Variants in FARS2 observed in about 807,000 individuals in gnomAD.
FARS2 encodes the protein phenylalanyl-tRNA synthetase 2, mitochondrial.
In FARS2, 40 loss-of-function variants were observed where a neutral mutation model predicts 46.4. The ratio of observed to expected loss-of-function variants is 0.86; its 90% CI spans 0.67 to 1.12. The LOEUF (loss-of-function observed/expected upper bound fraction) is 1.12, where lower values mean the gene tolerates loss of function less well. Among genes scored for constraint, FARS2 ranks in the 50% most tolerant of loss-of-function variants. The probability of loss-of-function intolerance (pLI) is 0.00; values close to 1 mark genes in which losing one functional copy is unlikely to be tolerated. For missense variants in FARS2, 513 were observed against 567.9 expected, an observed-to-expected ratio of 0.90 and a Z score of 0.98; for synonymous variants, 234 against 214.9, an observed-to-expected ratio of 1.09 and a Z score of -0.78.
At position 5,279,385 on chromosome 6, in the gene FARS2, AAAG is replaced by A. The variant is rs1370429016; in HGVS notation, c.-22+17728_-22+17730del. On this transcript the variant is annotated intron_variant, in intron 1 of 6. Transcript: ENST00000274680. Reference sequence around the variant, plus strand: ...GCAAGACTCCCTCTCAAAAAAAAAAAAAGAAAAAGAAAAAGAAAAAAAGAAAGC... The same window carrying A: ...GCAAGACTCCCTCTCAAAAAAAAAAAAAAAAGAAAAAGAAAAAAAGAAAGC... Among the ~76,000 whole-genome samples, 53 of 137,884 alleles carry A rather than the reference AAAG, an allele frequency of 3.8e-4. 6 individuals are homozygous for A. The highest frequency in any genetic ancestry group is 1.2e-3 in the East Asian group (6 of 4,860). 90.5% of individuals were successfully genotyped at this position (137,884 alleles called of 152,430 possible).
At chr6:5,331,136 A>G (rs894608134) in intron 1 of FARS2, among the ~76,000 whole-genome samples, 1 of 148,366 alleles carries the variant, frequency 6.7e-6, no homozygotes, top group Admixed American at 6.7e-5. Flanking sequence ...TGATGGTCTT[A>G]TTCTACATAT....
chr6:5,434,598 G>C (rs1763413030), intron 4 of FARS2, among the ~76,000 whole-genome samples: 1 of 152,128 alleles, frequency 6.6e-6, no homozygotes, highest in South Asian at 2.1e-4. Context: ...TAAACTGCCT[G>C]GCAGTCACTA....
At chr6:5,253,414 T>C in the FARS2 span, among the ~76,000 whole-genome samples, 2 of 151,440 alleles carry the variant, frequency 1.3e-5, no homozygotes, top group East Asian at 1.9e-4. Flanking sequence ...ATCATTTTAA[T>C]GGGCAATTCT....
At chr6:5,515,490 G>A (rs558513870) in intron 4 of FARS2, among the ~76,000 whole-genome samples, 63 of 152,276 alleles carry the variant, frequency 4.1e-4, no homozygotes, top group African/African-American at 1.4e-3. Context: ...GTGCAGTGAT[G>A]TGATCTCAGC....
chr6:5,621,368 GGT>G, intron 6 of FARS2, among the ~76,000 whole-genome samples: 1 of 152,158 alleles, frequency 6.6e-6, no homozygotes, highest in East Asian at 1.9e-4. Flanking sequence ...TGGGATTACA[GGT>G]GTGAACCACT....
chr6:5,302,433 G>A (rs1220735987), intron 1 of FARS2, among the ~76,000 whole-genome samples: 1 of 152,090 alleles, frequency 6.6e-6, no homozygotes, highest in African/African-American at 2.4e-5. Context: ...GGATGACATG[G>A]GATGACATAG....
intron 6 of FARS2, among the ~76,000 whole-genome samples, chr6:5,740,004 T>A (rs1761231340): frequency 6.6e-6 from 1 of 152,138 alleles, no homozygotes; most frequent in Non-Finnish European, 1.5e-5. Flanking sequence ...AATTAACACA[T>A]CAAGGTCATA....
the FARS2 span, among the ~76,000 whole-genome samples, chr6:5,255,379 G>T: frequency 6.6e-6 from 1 of 152,182 alleles, no homozygotes; most frequent in African/African-American, 2.4e-5. Flanking sequence ...ACATGAAAGA[G>T]ACTTGCACTA....
intron 6 of FARS2, among the ~76,000 whole-genome samples, chr6:5,735,051 T>C (rs1760866027): frequency 6.6e-6 from 1 of 152,224 alleles, no homozygotes; most frequent in South Asian, 2.1e-4. Flanking sequence ...ATTTTGTGGA[T>C]TATATTAAAA....
At chr6:5,654,448 C>G (rs1338284181) in intron 6 of FARS2, among the ~76,000 whole-genome samples, 1 of 152,218 alleles carries the variant, frequency 6.6e-6, no homozygotes, top group African/African-American at 2.4e-5. Flanking sequence ...CAGCCTGATA[C>G]ATCCTTTGTG....
intron 1 of FARS2, among the ~76,000 whole-genome samples, chr6:5,332,885 G>T (rs537958740): frequency 1.3e-5 from 2 of 152,194 alleles, no homozygotes; most frequent in Non-Finnish European, 2.9e-5. Context: ...CAGTATTAAG[G>T]AGTAGAGAAG....
chr6:5,359,953 TTATTCACTTCTTCAAG>T (rs1425479714), intron 1 of FARS2, among the ~76,000 whole-genome samples: 1 of 152,166 alleles, frequency 6.6e-6, no homozygotes, highest in African/African-American at 2.4e-5. Context: ...AGAAAAGAGG[TTATTCACTTCTTCAAG>T]GCTGTTAAAG....
At chr6:5,439,509 C>T (rs1337335221) in intron 4 of FARS2, among the ~76,000 whole-genome samples, 6 of 152,142 alleles carry the variant, frequency 3.9e-5, no homozygotes, top group Non-Finnish European at 5.9e-5. Context: ...GTTGACTCTC[C>T]TGTATAATTT....
At chr6:5,289,429 T>G (rs377463429) in intron 1 of FARS2, among the ~76,000 whole-genome samples, 1 of 152,216 alleles carries the variant, frequency 6.6e-6, no homozygotes, top group Non-Finnish European at 1.5e-5. Context: ...GAAAGGGGCA[T>G]GAGCAAGTGG....
At chr6:5,612,822 G>A (rs1256824634) in intron 5 of FARS2, among the ~76,000 whole-genome samples, 1 of 152,088 alleles carries the variant, frequency 6.6e-6, no homozygotes, top group Non-Finnish European at 1.5e-5. Context: ...TTAATGAATT[G>A]CATGTTAATT....
At chr6:5,676,762 A>G (rs1201311779) in intron 6 of FARS2, among the ~76,000 whole-genome samples, 2 of 152,224 alleles carry the variant, frequency 1.3e-5, no homozygotes, top group Non-Finnish European at 2.9e-5. Flanking sequence ...GTTAGAGAAA[A>G]TCTTGGTAGT....
chr6:5,749,096 C>T (rs1761799047), intron 6 of FARS2, among the ~76,000 whole-genome samples: 1 of 152,248 alleles, frequency 6.6e-6, no homozygotes, highest in East Asian at 1.9e-4. Flanking sequence ...AGAAGATGAG[C>T]TGGTCCAAAA....
chr6:5,303,835 C>T (rs540111455), intron 1 of FARS2, among the ~76,000 whole-genome samples: 10 of 152,130 alleles, frequency 6.6e-5, no homozygotes, highest in South Asian at 4.2e-4. Context: ...TTCTCTGCCT[C>T]GGGATGCTCG....
At chr6:5,547,200 T>C (rs1490364348) in intron 5 of FARS2, among the ~76,000 whole-genome samples, 28 of 151,858 alleles carry the variant, frequency 1.8e-4, no homozygotes, top group Non-Finnish European at 2.8e-4. Flanking sequence ...GATCTGCCCA[T>C]CTTGGCCTCC....
Sources: gnomAD v4.1 joint callset for allele counts (sites outside exome capture counted in the v4.1 genomes callset) on GRCh38, gnomAD v4.1.1 for gene constraint, MANE v1.5 for transcripts, NCBI Gene and HGNC (gene_info 2026-07-23, HGNC 2026-07-21) for gene names.